Variants in KANTR observed in about 807,000 individuals in gnomAD.
KANTR encodes KANTR integral membrane protein, also known as KDM5C adjacent transcript.
chrX:53,104,832 T>A (rs1932928896), intron 2 of KANTR, among the ~76,000 whole-genome samples: 1 of 111,572 alleles, frequency 9.0e-6, no homozygotes, highest in African/African-American at 3.3e-5. Context: ...ATATGACTAA[T>A]ATTTCTCTGA....
At chrX:53,127,943 TAGTA>T (rs1226923326), downstream of KANTR, among the ~76,000 whole-genome samples, 4 of 111,076 alleles carry the variant, frequency 3.6e-5, no homozygotes, top group African/African-American at 6.6e-5. Flanking sequence ...GCTGGGCTCA[TAGTA>T]AGTGTTATTA....
At chrX:53,120,865 C>T (rs1372957375) in intron 2 of KANTR, among the ~76,000 whole-genome samples, 2 of 109,587 alleles carry the variant, frequency 1.8e-5, no homozygotes, top group African/African-American at 3.3e-5. Flanking sequence ...GGATTACAAG[C>T]GTGTGCCACC....
chrX:53,142,755 G>A, downstream of KANTR: 1 of 448,931 alleles, frequency 2.2e-6, no homozygotes, highest in East Asian at 4.5e-5. Flanking sequence ...AGAGGCATTT[G>A]CGGTAGACAA....
At chrX:53,130,788 G>A (rs921408852), downstream of KANTR, among the ~76,000 whole-genome samples, 5 of 111,501 alleles carry the variant, frequency 4.5e-5, no homozygotes, top group Non-Finnish European at 7.5e-5. Context: ...TAATATCTTG[G>A]ATATAAAAGC....
At chrX:53,121,471 G>A (rs1342010506) in intron 2 of KANTR, among the ~76,000 whole-genome samples, 2 of 111,531 alleles carry the variant, frequency 1.8e-5, no homozygotes, top group Non-Finnish European at 3.8e-5. Flanking sequence ...GACTTTACAT[G>A]GCTTTATCAG....
intron 2 of KANTR, among the ~76,000 whole-genome samples, chrX:53,106,099 C>T (rs1932950799): frequency 9.3e-6 from 1 of 107,994 alleles, no homozygotes; most frequent in African/African-American, 3.5e-5. Context: ...CCTCGTGATC[C>T]ACCCGCCTCG....
At chrX:53,113,413 T>C (rs1556814091) in intron 2 of KANTR, 1 of 115,924 alleles carries the variant, frequency 8.6e-6, no homozygotes, top group Non-Finnish European at 1.8e-5. Context: ...CATTGAATTG[T>C]CCCTGCATAT....
At chrX:53,142,228 T>C (rs1261399428) in exon 3 of KANTR, 9 of 123,449 alleles carry the variant, frequency 7.3e-5, no homozygotes, top group Middle Eastern at 4.0e-3. Flanking sequence ...AACTTGAATA[T>C]AGCTTGAATA....
chrX:53,111,210 T>C (rs782652375), intron 2 of KANTR, among the ~76,000 whole-genome samples: 1 of 107,764 alleles, frequency 9.3e-6, no homozygotes, highest in South Asian at 4.1e-4. Flanking sequence ...AGAGATGGGG[T>C]CTTGCTATGT....
chrX:53,145,501 G>A (rs1319578102), downstream of KANTR, among the ~76,000 whole-genome samples: 1 of 112,029 alleles, frequency 8.9e-6, no homozygotes, highest in East Asian at 2.8e-4. Context: ...AAGCGGCCCG[G>A]AAGCTCGAAC....
chrX:53,111,973 A>AT (rs375759280), intron 2 of KANTR, among the ~76,000 whole-genome samples: 145 of 107,503 alleles, frequency 1.3e-3, no homozygotes, highest in African/African-American at 4.8e-3. Context: ...TTTTTTAATT[A>AT]TTTTTTTTTA....
exon 3 of KANTR, chrX:53,124,467 C>T (rs151181232): frequency 0.016 from 4,703 of 294,208 alleles, 37 homozygotes; most frequent in Non-Finnish European, 0.021. Flanking sequence ...TCCTTCCTTC[C>T]ACATTTTTTG....
At chrX:53,130,264 A>C (rs1244816834), downstream of KANTR, among the ~76,000 whole-genome samples, 2 of 112,520 alleles carry the variant, frequency 1.8e-5, no homozygotes, top group Non-Finnish European at 3.7e-5. Flanking sequence ...CAGATAACAC[A>C]GGCATGACAT....
At chrX:53,137,808 C>T (rs369616931) in intron 2 of KANTR, among the ~76,000 whole-genome samples, 1 of 110,349 alleles carries the variant, frequency 9.1e-6, no homozygotes, top group Non-Finnish European at 1.9e-5. Context: ...TAGTTATTGC[C>T]CCCCTTATCA....
intron 2 of KANTR, among the ~76,000 whole-genome samples, chrX:53,101,027 A>G (rs781921910): frequency 8.9e-6 from 1 of 112,113 alleles, no homozygotes. Flanking sequence ...GAAGAGAGTT[A>G]GGGCCTTGCT....
chrX:53,127,936 G>T (rs1933309251), downstream of KANTR, among the ~76,000 whole-genome samples: 1 of 111,205 alleles, frequency 9.0e-6, no homozygotes, highest in Non-Finnish European at 1.9e-5. Context: ...GCATGATGCT[G>T]GGCTCATAGT....
chrX:53,124,170 G>T, exon 3 of KANTR: 83 of 268,756 alleles, frequency 3.1e-4, no homozygotes, highest in Middle Eastern at 1.0e-3. Context: ...AGTCGATTTT[G>T]GTAAGATAAC....
exon 3 of KANTR, chrX:53,126,698 T>A (rs1489867327): frequency 8.9e-6 from 1 of 112,200 alleles, no homozygotes; most frequent in Non-Finnish European, 1.9e-5. Flanking sequence ...TAAATATTGT[T>A]CACATCAAAA....
At chrX:53,129,235 TTGTGTGTGTGTGTG>T (rs57493383), downstream of KANTR, among the ~76,000 whole-genome samples, 1 of 83,373 alleles carries the variant, frequency 1.2e-5, no homozygotes, top group Non-Finnish European at 2.3e-5. Flanking sequence ...GCCTGGCTAT[TTGTGTGTGTGTGTG>T]TGTGTGTGTG....
Sources: gnomAD v4.1 joint callset for allele counts (sites outside exome capture counted in the v4.1 genomes callset) on GRCh38, gnomAD v4.1.1 for gene constraint, MANE v1.5 for transcripts, NCBI Gene and HGNC (gene_info 2026-07-23, HGNC 2026-07-21) for gene names.